The following TXNRD1 variants were observed in gnomAD, a reference collection of about 807,000 sequenced individuals.
TXNRD1 encodes thioredoxin reductase 1, also known as thioredoxin reductase 1, cytoplasmic.
A neutral mutation model predicts 80.3 loss-of-function variants in TXNRD1; 57 were observed. The ratio of observed to expected loss-of-function variants is 0.71; its 90% CI spans 0.57 to 0.89. The LOEUF is 0.89. Ranked by LOEUF, TXNRD1 falls within the 40% of genes least tolerant of loss-of-function variation. The pLI, the probability that TXNRD1 is intolerant of heterozygous loss-of-function variation, is 0.00. For synonymous variants in TXNRD1, 291 were observed against 285.2 expected, an observed-to-expected ratio of 1.02 and a Z score of -0.20; for missense variants, 730 against 803.0, an observed-to-expected ratio of 0.91 and a Z score of 1.10.
intron 2 of TXNRD1, among the ~76,000 whole-genome samples, chr12:104,254,049 C>T (rs1006082490): frequency 6.6e-6 from 1 of 152,124 alleles, no homozygotes; most frequent in African/African-American, 2.4e-5. Context: ...CGTTACCAAA[C>T]AGGTTAAGAG....
chr12:104,252,690 A>ATATATAT (rs2033152006), intron 2 of TXNRD1, among the ~76,000 whole-genome samples: 2 of 39,658 alleles, frequency 5.0e-5, no homozygotes, highest in African/African-American at 1.2e-4. Flanking sequence ...ATATATATAT[A>ATATATAT]TTTTTTTTTT....
intron 10 of TXNRD1, among the ~76,000 whole-genome samples, chr12:104,322,326 C>T (rs2035562014): frequency 1.3e-5 from 2 of 150,126 alleles, no homozygotes; most frequent in Non-Finnish European, 1.5e-5. Flanking sequence ...GCACAAATTT[C>T]CTGGAAGCTG....
chr12:104,253,963 G>T (rs1195985223), intron 2 of TXNRD1, among the ~76,000 whole-genome samples: 1 of 152,178 alleles, frequency 6.6e-6, no homozygotes, highest in Non-Finnish European at 1.5e-5. Context: ...AAAGTGCTGG[G>T]ATTATAGGCG....
Position 104,289,018 on chromosome 12 carries a change from G to A in TXNRD1, c.392G>A (p.Gly131Asp). 1 of 1,614,012 alleles carries A rather than the reference G, an allele frequency of 6.2e-7. No homozygotes were observed. Among genetic ancestry groups the A allele is most frequent in the Non-Finnish European group, 8.5e-7 (1 of 1,179,890 alleles). ...GTGTTTGTGAAACAGAGAAAGATAGGCGGCCATGGTCCAACCTTGAAGGTA... is the reference window on the plus strand; with the variant it reads ...GTGTTTGTGAAACAGAGAAAGATAGACGGCCATGGTCCAACCTTGAAGGTA... ...PVVFVKQRKI[G>D]GHGPTLKAYQ... Residue 131 changes from glycine (G) to aspartate (D), a missense_variant, in exon 4 of 17, where the codon GGC (glycine) becomes GAC (aspartate). By Grantham distance (94) the Gly-to-Asp change is moderately conservative. Coordinates refer to ENST00000525566, the MANE Select transcript of TXNRD1 (RefSeq NM_001093771.3).
At chr12:104,333,388 A>C (rs1000131423) in intron 14 of TXNRD1, among the ~76,000 whole-genome samples, 1 of 152,198 alleles carries the variant, frequency 6.6e-6, no homozygotes, top group Non-Finnish European at 1.5e-5. Context: ...TGAAAAATGT[A>C]AGGGAAAGAG....
At position 104,257,461 on chromosome 12, in the gene TXNRD1, C is replaced by CAGTG. The variant is rs1415915985; in HGVS notation, c.244-557_244-554dup. ...TTACTCTGTCGCCCAGGCTGGAGTG[C>CAGTG]AGTGGTACAATCCTGGCTCACTGCA... On this transcript the variant is annotated intron_variant, in intron 2 of 16. Coordinates refer to ENST00000525566, the MANE Select transcript of TXNRD1 (RefSeq NM_001093771.3). Among the ~76,000 whole-genome samples the CAGTG allele has an allele frequency of 4.4e-5, 6 of 136,148 alleles. No individual in the cohort carries two copies. In the Admixed American group the frequency reaches 5.0e-4, roughly 11 times the overall value. 89.3% of individuals were successfully genotyped at this position (136,148 alleles called of 152,430 possible).
intron 4 of TXNRD1, among the ~76,000 whole-genome samples, chr12:104,299,744 G>A (rs1167532350): frequency 2.1e-5 from 3 of 144,814 alleles, no homozygotes; most frequent in Non-Finnish European, 4.5e-5. Context: ...TCCAGCCTGG[G>A]TGACAAGAAC....
At position 104,327,526 on chromosome 12, in the gene TXNRD1, T is replaced by TA; in HGVS notation, c.1398dup (p.Pro467ThrfsTer5). ...GAATAAAATTGCAGGACTGGAAAAATACCTGTCACAGATGAAGAACAGACC... is the reference window on the plus strand; with the variant it reads ...GAATAAAATTGCAGGACTGGAAAAATAACCTGTCACAGATGAAGAACAGACC... On this transcript the variant is annotated frameshift_variant, in exon 13 of 17. Transcript: ENST00000525566. LOFTEE classifies it high-confidence loss of function. 6.2e-7 allele frequency: 1 copy of TA among 1,611,966 alleles called. No individual in the cohort carries two copies. Among genetic ancestry groups the TA allele is most frequent in the Non-Finnish European group, 8.5e-7 (1 of 1,178,628 alleles).
chr12:104,301,923 T>C (rs1480375964), intron 4 of TXNRD1, among the ~76,000 whole-genome samples: 2 of 152,204 alleles, frequency 1.3e-5, no homozygotes, highest in Non-Finnish European at 2.9e-5. Context: ...TAGGATTAAT[T>C]CCACGAATCT....
chr12:104,325,949 C>G (rs777418002), intron 11 of TXNRD1, among the ~76,000 whole-genome samples: 14 of 151,674 alleles, frequency 9.2e-5, no homozygotes, highest in Non-Finnish European at 1.9e-4. Flanking sequence ...TATTATTAGT[C>G]AAATGGCTAT....
chr12:104,327,604 T>C lies in TXNRD1; in HGVS notation c.1475T>C (p.Leu492Pro), dbSNP rs756007506. The C allele has an allele frequency of 6.2e-7, 1 of 1,613,582 alleles. No individual in the cohort carries two copies. The highest frequency in any genetic ancestry group is 1.1e-5 in the South Asian group (1 of 91,016). ...GATATATTGGAGGATAAGGTGGAGCTCACCCCAGTTGCAATCCAGGCAGGA... is the reference window on the plus strand; with the variant it reads ...GATATATTGGAGGATAAGGTGGAGCCCACCCCAGTTGCAATCCAGGCAGGA... Reference protein sequence around the residue: ...IGDILEDKVELTPVAIQAGRL... With the variant: ...IGDILEDKVEPTPVAIQAGRL... The change falls in exon 13 of 17, where the codon CTC becomes CCC. Residue 492 changes from leucine to proline, a missense_variant. Coordinates refer to ENST00000525566, the MANE Select transcript of TXNRD1 (RefSeq NM_001093771.3).
chr12:104,247,343 C>T (rs2033017144), intron 1 of TXNRD1, among the ~76,000 whole-genome samples: 1 of 152,192 alleles, frequency 6.6e-6, no homozygotes, highest in Non-Finnish European at 1.5e-5. Context: ...GCTGGGATTA[C>T]AGGTGTGAGC....
At chr12:104,233,895 C>T (rs2032678374) in intron 1 of TXNRD1, among the ~76,000 whole-genome samples, 2 of 152,164 alleles carry the variant, frequency 1.3e-5, no homozygotes, top group Admixed American at 6.6e-5. Context: ...AAACAAGGAT[C>T]AGCAATATTT....
rs538046454 is a variant in TXNRD1, at chr12:104,327,500, T to G, written c.1386-15T>G. 1.3e-6 allele frequency: 2 copies of G among 1,599,544 alleles called. No homozygotes were observed. Among genetic ancestry groups the G allele is most frequent in the African/African-American group, 1.3e-5 (1 of 74,730 alleles). On this transcript the variant is annotated splice_polypyrimidine_tract_variant and intron_variant, in intron 12 of 16. Transcript: ENST00000525566. ...ATGGTAATTAATGATGATTTTTAAC[T>G]GAATAAAATTGCAGGACTGGAAAAA...
At chr12:104,272,532 C>T (rs746780031) in intron 3 of TXNRD1, among the ~76,000 whole-genome samples, 13 of 152,124 alleles carry the variant, frequency 8.5e-5, no homozygotes, top group South Asian at 6.2e-4. Flanking sequence ...CTGTGGCTCA[C>T]GCCTGCAATC....
chr12:104,232,333 T>G (rs11831758), intron 1 of TXNRD1, among the ~76,000 whole-genome samples: 16 of 152,102 alleles, frequency 1.1e-4, no homozygotes, highest in African/African-American at 3.9e-4. Context: ...GAGGCCGAGG[T>G]GGGCAGATCA....
chr12:104,314,836 G>A (rs1478937430), intron 6 of TXNRD1, among the ~76,000 whole-genome samples: 2 of 150,882 alleles, frequency 1.3e-5, no homozygotes, highest in East Asian at 3.9e-4. Context: ...CCACCTCCTG[G>A]GTACAAGCAG....
intron 16 of TXNRD1, among the ~76,000 whole-genome samples, chr12:104,346,360 C>A (rs1371910719): frequency 6.6e-6 from 1 of 152,048 alleles, no homozygotes; most frequent in African/African-American, 2.4e-5. Flanking sequence ...CTTCCTCCAT[C>A]TTTTTAACAT....
At chr12:104,267,329 G>T (rs907240236) in intron 3 of TXNRD1, among the ~76,000 whole-genome samples, 15 of 101,922 alleles carry the variant, frequency 1.5e-4, no homozygotes, top group Admixed American at 2.6e-4. Context: ...CCAGGCTATA[G>T]TGCAGTGGTA....
Sources: allele counts gnomAD v4.1 joint callset (sites outside exome capture counted in the v4.1 genomes callset), GRCh38; gene constraint gnomAD v4.1.1; transcripts MANE v1.5; gene names NCBI Gene and HGNC (gene_info 2026-07-23, HGNC 2026-07-21).